The following OPCML variants were observed in gnomAD, a reference collection of about 807,000 sequenced individuals.
OPCML encodes the protein opioid-binding protein/cell adhesion molecule.
In OPCML, 13 loss-of-function variants were observed where a neutral mutation model predicts 37.8. The observed-to-expected ratio is 0.34, with a 90% confidence interval of 0.22 to 0.55. The LOEUF (loss-of-function observed/expected upper bound fraction) is 0.55. Ranked by LOEUF, OPCML falls within the 20% of genes least tolerant of loss-of-function variation. The pLI is 0.91. For synonymous variants in OPCML, 176 were observed against 168.8 expected (o/e 1.04, Z -0.33); for missense variants, 341 against 435.6 (o/e 0.78, Z 1.93).
intron 2 of OPCML, among the ~76,000 whole-genome samples, chr11:132,672,859 G>C (rs1009779234): frequency 6.6e-6 from 1 of 152,026 alleles, no homozygotes; most frequent in Non-Finnish European, 1.5e-5. Flanking sequence ...ATGCTTAGGG[G>C]CCAACATATT....
intron 1 of OPCML, among the ~76,000 whole-genome samples, chr11:133,260,878 T>C (rs1034593842): frequency 6.6e-6 from 1 of 152,098 alleles, no homozygotes; most frequent in Non-Finnish European, 1.5e-5. Flanking sequence ...CATAGATTTT[T>C]TTTTTTCTGA....
intron 1 of OPCML, among the ~76,000 whole-genome samples, chr11:133,277,573 T>C (rs1165012254): frequency 6.6e-6 from 1 of 152,124 alleles, no homozygotes; most frequent in Non-Finnish European, 1.5e-5. Context: ...TTCCAGATCA[T>C]TCACCTTTAA....
chr11:132,728,413 G>C (rs1263090330), intron 2 of OPCML, among the ~76,000 whole-genome samples: 1 of 152,186 alleles, frequency 6.6e-6, no homozygotes, highest in East Asian at 1.9e-4. Flanking sequence ...TGCAAGAAGA[G>C]ACAAAAGATG....
chr11:133,046,948 ATTTT>A (rs11361378), intron 1 of OPCML, among the ~76,000 whole-genome samples: 1 of 149,030 alleles, frequency 6.7e-6, no homozygotes, highest in Non-Finnish European at 1.5e-5. Flanking sequence ...TAACTTTACA[ATTTT>A]TTTTTTTTTC....
intron 1 of OPCML, among the ~76,000 whole-genome samples, chr11:133,241,621 T>C (rs1308228874): frequency 1.3e-5 from 2 of 152,252 alleles, no homozygotes; most frequent in Non-Finnish European, 2.9e-5. Flanking sequence ...ATTTTAACCC[T>C]ATTAGGAAAT....
chr11:132,659,337 G>A (rs1941851388), intron 2 of OPCML, among the ~76,000 whole-genome samples: 1 of 152,094 alleles, frequency 6.6e-6, no homozygotes, highest in African/African-American at 2.4e-5. Context: ...ACTGATAAGG[G>A]GAAATATGCA....
intron 2 of OPCML, among the ~76,000 whole-genome samples, chr11:132,914,387 T>C (rs193095668): frequency 5.4e-4 from 82 of 152,368 alleles, no homozygotes; most frequent in African/African-American, 1.9e-3. Flanking sequence ...GGTTCGTCTC[T>C]TGTGACCATA....
chr11:133,490,526 A>G (rs1947632239), intron 1 of OPCML, among the ~76,000 whole-genome samples: 2 of 152,212 alleles, frequency 1.3e-5, no homozygotes, highest in Admixed American at 6.5e-5. Context: ...ACTAAAGCCA[A>G]TGAAAGTGAG....
intron 1 of OPCML, among the ~76,000 whole-genome samples, chr11:133,226,384 G>T (rs1463194729): frequency 6.6e-6 from 1 of 152,226 alleles, no homozygotes; most frequent in East Asian, 1.9e-4. Flanking sequence ...CCAGGACAGA[G>T]CCCCCTTCTT....
intron 1 of OPCML, among the ~76,000 whole-genome samples, chr11:133,009,899 A>T (rs1051086149): frequency 1.1e-4 from 17 of 152,162 alleles, no homozygotes; most frequent in Non-Finnish European, 1.2e-4. Flanking sequence ...CCCCTGGGAT[A>T]TCTACTGTCT....
chr11:132,742,279 C>A (rs2136041622), intron 2 of OPCML, among the ~76,000 whole-genome samples: 1 of 152,274 alleles, frequency 6.6e-6, no homozygotes, highest in South Asian at 2.1e-4. Flanking sequence ...AAACCCTAAG[C>A]ACCAATGAGA....
intron 1 of OPCML, among the ~76,000 whole-genome samples, chr11:133,187,651 A>T (rs551223725): frequency 4.6e-5 from 7 of 152,190 alleles, no homozygotes; most frequent in Admixed American, 6.5e-5. Flanking sequence ...AAGTCCCCTC[A>T]ACAAGAGGGC....
At chr11:132,826,889 A>G (rs1940379957) in intron 2 of OPCML, among the ~76,000 whole-genome samples, 1 of 152,200 alleles carries the variant, frequency 6.6e-6, no homozygotes, top group Admixed American at 6.5e-5. Flanking sequence ...GTCCATAAGT[A>G]GCCTTTACCA....
In OPCML at chr11:132,416,841, C is replaced by T. The variant is rs1243054173; in HGVS notation, c.*3352G>A. The T allele has an allele frequency of 6.6e-6, 1 of 152,626 alleles. No homozygotes were observed. Among genetic ancestry groups the T allele is most frequent in the Non-Finnish European group, 1.5e-5 (1 of 68,018 alleles). The allele number at this position is 152,626 out of a possible 1,614,324, so 9.5% of individuals were successfully genotyped here. A position where few individuals can be genotyped will look rare whatever the true frequency, so the allele number is the denominator to read the frequency against. Reference sequence around the variant, plus strand: ...TAAAGCAAGAATGAGAAAAACTAAACATGCTTGTTTAGACTTGCAGTCGAC... The same window carrying T: ...TAAAGCAAGAATGAGAAAAACTAAATATGCTTGTTTAGACTTGCAGTCGAC... On this transcript the variant is annotated 3_prime_UTR_variant, in exon 8 of 8. Coordinates refer to ENST00000524381, the MANE Select transcript of OPCML (RefSeq NM_001012393.5).
At chr11:132,897,315 T>G (rs1943888651) in intron 2 of OPCML, among the ~76,000 whole-genome samples, 1 of 152,164 alleles carries the variant, frequency 6.6e-6, no homozygotes, top group Non-Finnish European at 1.5e-5. Context: ...ACTGAACGCT[T>G]GACCATGGGC....
intron 1 of OPCML, among the ~76,000 whole-genome samples, chr11:133,464,745 C>A (rs1048509426): frequency 6.6e-6 from 1 of 152,158 alleles, no homozygotes; most frequent in East Asian, 1.9e-4. Flanking sequence ...TCTGTTAGCA[C>A]GCTTTCAGAA....
At chr11:133,267,743 T>C (rs2136472056) in intron 1 of OPCML, among the ~76,000 whole-genome samples, 1 of 152,180 alleles carries the variant, frequency 6.6e-6, no homozygotes, top group Middle Eastern at 3.4e-3. Flanking sequence ...ATCATGTGGA[T>C]GGGTCTTTCC....
At chr11:132,649,645 C>T (rs1427264724) in intron 3 of OPCML, among the ~76,000 whole-genome samples, 5 of 152,076 alleles carry the variant, frequency 3.3e-5, no homozygotes, top group Non-Finnish European at 1.5e-5. Context: ...CTTAGTTAGC[C>T]TAACTCTTCC....
intron 1 of OPCML, among the ~76,000 whole-genome samples, chr11:133,204,850 TTATA>T (rs1250610293): frequency 1.6e-5 from 2 of 123,622 alleles, no homozygotes; most frequent in African/African-American, 2.9e-5. Context: ...TTGTGATCTA[TTATA>T]TATATATATA....
Sources: allele counts gnomAD v4.1 joint callset (sites outside exome capture counted in the v4.1 genomes callset), GRCh38; gene constraint gnomAD v4.1.1; transcripts MANE v1.5; gene names NCBI Gene and HGNC (gene_info 2026-07-23, HGNC 2026-07-21).